Variants in NXPE2 observed in about 807,000 individuals in gnomAD.
NXPE2 encodes NXPE family member 2.
A neutral mutation model predicts 34.4 loss-of-function variants in NXPE2; 34 were observed. The observed-to-expected ratio is 0.99, with a 90% confidence interval of 0.75 to 1.31. The LOEUF is 1.31. Among genes scored for constraint, NXPE2 ranks in the 40% most tolerant of loss-of-function variants. The probability of loss-of-function intolerance (pLI) is 0.00; values close to 1 mark genes in which losing one functional copy is unlikely to be tolerated. For synonymous variants in NXPE2, 235 were observed against 231.3 expected (o/e 1.02, Z -0.15); for missense variants, 649 against 672.5 (o/e 0.97, Z 0.39).
the NXPE2 span, among the ~76,000 whole-genome samples, chr11:114,504,923 C>T: frequency 6.6e-6 from 1 of 152,042 alleles, no homozygotes; most frequent in African/African-American, 2.4e-5. Flanking sequence ...AGTATATGGA[C>T]AGGTATGAAG....
the NXPE2 span, among the ~76,000 whole-genome samples, chr11:114,556,610 T>C: frequency 6.6e-6 from 1 of 152,012 alleles, no homozygotes; most frequent in Non-Finnish European, 1.5e-5. Context: ...CCACGCAGCA[T>C]GATTCCCTAC....
chr11:114,801,667 A>T, the NXPE2 span, among the ~76,000 whole-genome samples: 1 of 924 alleles, frequency 1.1e-3, no homozygotes, highest in African/African-American at 1.4e-3. Context: ...GATGTGAAGA[A>T]AAGGAGAAGA....
chr11:114,620,571 T>C, the NXPE2 span, among the ~76,000 whole-genome samples: 27 of 152,028 alleles, frequency 1.8e-4, no homozygotes. Context: ...TGTTACGCGG[T>C]GGATAATAAG....
At chr11:114,587,085 C>A in the NXPE2 span, among the ~76,000 whole-genome samples, 1 of 152,216 alleles carries the variant, frequency 6.6e-6, no homozygotes, top group East Asian at 1.9e-4. Context: ...TGGCCCTTTG[C>A]GGAAACACTC....
At chr11:114,788,064 G>A in the NXPE2 span, among the ~76,000 whole-genome samples, 1 of 152,144 alleles carries the variant, frequency 6.6e-6, no homozygotes, top group African/African-American at 2.4e-5. Flanking sequence ...CTTGGAAGTG[G>A]GAGGTGAGCT....
At chr11:114,727,594 T>C in the NXPE2 span, among the ~76,000 whole-genome samples, 1 of 152,152 alleles carries the variant, frequency 6.6e-6, no homozygotes, top group African/African-American at 2.4e-5. Context: ...CAACTTATAA[T>C]ACACAACTTA....
At chr11:114,788,739 C>T in the NXPE2 span, among the ~76,000 whole-genome samples, 1 of 152,216 alleles carries the variant, frequency 6.6e-6, no homozygotes. Context: ...GAAGCTTTGC[C>T]TGACCTTCTT....
chr11:114,639,669 A>G, the NXPE2 span, among the ~76,000 whole-genome samples: 1 of 141,392 alleles, frequency 7.1e-6, no homozygotes, highest in Non-Finnish European at 1.5e-5. Context: ...TACTTGTATT[A>G]TATATGTAAT....
chr11:114,546,142 T>C, the NXPE2 span, among the ~76,000 whole-genome samples: 1 of 152,244 alleles, frequency 6.6e-6, no homozygotes, highest in East Asian at 1.9e-4. Flanking sequence ...TAAGCTGCTT[T>C]GGAAATTAAT....
chr11:114,747,601 T>A, the NXPE2 span, among the ~76,000 whole-genome samples: 1 of 152,142 alleles, frequency 6.6e-6, no homozygotes, highest in Non-Finnish European at 1.5e-5. Context: ...AGACACATCT[T>A]ACACAGTGGC....
chr11:114,540,659 C>G, the NXPE2 span, among the ~76,000 whole-genome samples: 1 of 151,422 alleles, frequency 6.6e-6, no homozygotes, highest in East Asian at 1.9e-4. Flanking sequence ...CAACTCTGAA[C>G]GAAATGCCAA....
the NXPE2 span, among the ~76,000 whole-genome samples, chr11:114,773,759 C>T: frequency 1.3e-5 from 2 of 152,102 alleles, no homozygotes; most frequent in East Asian, 3.9e-4. Context: ...CTGTTGAGGG[C>T]CTAAGTAGAA....
At chr11:114,746,725 C>A in the NXPE2 span, among the ~76,000 whole-genome samples, 3 of 152,138 alleles carry the variant, frequency 2.0e-5, no homozygotes, top group African/African-American at 7.2e-5. Context: ...CTGGCCCGCG[C>A]CTGTAGTCCC....
chr11:114,483,396 C>G, the NXPE2 span, among the ~76,000 whole-genome samples: 2 of 152,218 alleles, frequency 1.3e-5, no homozygotes, highest in African/African-American at 2.4e-5. Context: ...GCTGTCTAAT[C>G]TTGATCAAAT....
At chr11:114,813,023 G>A in the NXPE2 span, among the ~76,000 whole-genome samples, 1 of 152,094 alleles carries the variant, frequency 6.6e-6, no homozygotes, top group Non-Finnish European at 1.5e-5. Flanking sequence ...GGGCTCTGGG[G>A]GTCAGGGCCA....
chr11:114,777,387 G>GA, the NXPE2 span, among the ~76,000 whole-genome samples: 1 of 152,178 alleles, frequency 6.6e-6, no homozygotes, highest in African/African-American at 2.4e-5. Flanking sequence ...CATGTTTAAG[G>GA]AAATGGGGTG....
chr11:114,796,526 A>G, the NXPE2 span, among the ~76,000 whole-genome samples: 1 of 152,234 alleles, frequency 6.6e-6, no homozygotes, highest in African/African-American at 2.4e-5. Context: ...ATTCAAAAAA[A>G]AATCTCTTGC....
the NXPE2 span, among the ~76,000 whole-genome samples, chr11:114,725,510 T>C: frequency 2.3e-3 from 349 of 149,882 alleles, 1 homozygote; most frequent in African/African-American, 8.3e-3. Context: ...TTTCCCCTTT[T>C]CCTGAGTGTT....
the NXPE2 span, among the ~76,000 whole-genome samples, chr11:114,653,818 G>A: frequency 1.3e-5 from 2 of 151,982 alleles, no homozygotes; most frequent in Non-Finnish European, 2.9e-5. Context: ...GTGAGCCACC[G>A]CGCCTGGCCT....
Sources: allele counts gnomAD v4.1 joint callset (sites outside exome capture counted in the v4.1 genomes callset), GRCh38; gene constraint gnomAD v4.1.1; transcripts MANE v1.5; gene names NCBI Gene and HGNC (gene_info 2026-07-23, HGNC 2026-07-21).